The following CARMIL1 variants were observed in gnomAD, a reference collection of about 807,000 sequenced individuals.
CARMIL1 encodes capping protein regulator and myosin 1 linker 1, also known as F-actin-uncapping protein LRRC16A.
In CARMIL1, 90 loss-of-function variants were observed where a neutral mutation model predicts 177.1. The ratio of observed to expected loss-of-function variants is 0.51; its 90% confidence interval spans 0.43 to 0.61. CARMIL1 has a LOEUF of 0.61. Among genes scored for constraint, CARMIL1 ranks in the 20% least tolerant of loss-of-function variants. CARMIL1 has a pLI of 0.00. For synonymous variants in CARMIL1, 577 were observed against 606.2 expected (o/e 0.95, Z 0.71); for missense variants, 1,380 against 1,667.0 (o/e 0.83, Z 3.00).
At chr6:25,339,083 A>G (rs1786616672) in intron 2 of CARMIL1, among the ~76,000 whole-genome samples, 1 of 141,170 alleles carries the variant, frequency 7.1e-6, no homozygotes, top group Admixed American at 6.8e-5. Context: ...TATAAAATAA[A>G]TTAAAATGAC....
chr6:25,496,006 A>T, intron 16 of CARMIL1, among the ~76,000 whole-genome samples: 1 of 152,066 alleles, frequency 6.6e-6, no homozygotes, highest in Non-Finnish European at 1.5e-5. Flanking sequence ...TCAGCATTTA[A>T]TTTTTCCCTT....
At chr6:25,322,284 G>A (rs567755728) in intron 2 of CARMIL1, among the ~76,000 whole-genome samples, 1 of 151,898 alleles carries the variant, frequency 6.6e-6, no homozygotes, top group Non-Finnish European at 1.5e-5. Context: ...CACCATACCC[G>A]GCTAATTTTT....
At chr6:25,560,389 A>G (rs1203775318) in intron 29 of CARMIL1, among the ~76,000 whole-genome samples, 1 of 151,906 alleles carries the variant, frequency 6.6e-6, no homozygotes, top group African/African-American at 2.4e-5. Flanking sequence ...GCCTGTGTCT[A>G]CTCTCTTAGC....
chr6:25,544,185 G>A (rs79448452), intron 26 of CARMIL1, among the ~76,000 whole-genome samples: 1,931 of 152,226 alleles, frequency 0.013, 29 homozygotes, highest in African/African-American at 0.037. Context: ...GAGACTAGGG[G>A]AAGGCAACAT....
At chr6:25,556,994 T>G in intron 29 of CARMIL1, 144 bp downstream of exon 29, 3 of 842,030 alleles carry the variant, frequency 3.6e-6, no homozygotes, top group Non-Finnish European at 5.5e-6. Flanking sequence ...AGAAAAGTCC[T>G]AAAGAGGCCG....
intron 16 of CARMIL1, 28 bp downstream of exon 16, chr6:25,495,243 G>A: frequency 6.8e-7 from 1 of 1,461,270 alleles, no homozygotes. Context: ...TTTCTCCAGA[G>A]CTTTTAAAGT....
chr6:25,565,477 C>T (rs1355029355), intron 29 of CARMIL1, among the ~76,000 whole-genome samples: 1 of 152,228 alleles, frequency 6.6e-6, no homozygotes, highest in Non-Finnish European at 1.5e-5. Flanking sequence ...CACCAGACTG[C>T]CTTCCCTGAA....
At position 25,450,331 on chromosome 6, in the gene CARMIL1, T is replaced by C; in HGVS notation, c.470-8T>C. On this transcript the variant is annotated splice_region_variant and splice_polypyrimidine_tract_variant and intron_variant, in intron 6 of 36. Coordinates refer to ENST00000329474, the MANE Select transcript of CARMIL1 (RefSeq NM_017640.6). ...AAGACCTGTCAGTGTTTTTGTTGTA[T>C]GTTTCAGGTGGATTTTCTCAGATGT... The C allele has an allele frequency of 6.2e-7, 1 of 1,609,454 alleles. No homozygotes were observed.
At position 25,554,063 on chromosome 6, in the gene CARMIL1, C is replaced by T; in HGVS notation, c.2559C>T (p.Ile853=). Reference sequence around the variant, plus strand: ...TGTCTGATAGAATTGTGGATGAAATCCTGGATGCACTCTCACATTGCCATC... The same window carrying T: ...TGTCTGATAGAATTGTGGATGAAATTCTGGATGCACTCTCACATTGCCATC... ...SFLSDRIVDE[I]LDALSHCHHK... The change falls in exon 28 of 37, where the codon ATC becomes ATT. Residue 853 remains isoleucine (I), a synonymous_variant. Coordinates refer to ENST00000329474, the MANE Select transcript of CARMIL1 (RefSeq NM_017640.6). This position sits in a 1 kb window ranked among gnomAD's most constrained non-coding sequence, Gnocchi z 4.6. 3 of 1,600,140 alleles carry T rather than the reference C, an allele frequency of 1.9e-6. No individual in the cohort carries two copies. Among genetic ancestry groups the T allele is most frequent in the Non-Finnish European group, 2.6e-6 (3 of 1,173,052 alleles).
At chr6:25,503,839 G>C (rs1289212315) in intron 17 of CARMIL1, among the ~76,000 whole-genome samples, 5 of 152,122 alleles carry the variant, frequency 3.3e-5, no homozygotes, top group African/African-American at 4.8e-5. Context: ...AGGATGAGGA[G>C]CTGGCAGACC....
intron 20 of CARMIL1, among the ~76,000 whole-genome samples, chr6:25,513,739 G>A (rs1805682239): frequency 6.6e-6 from 1 of 152,080 alleles, no homozygotes; most frequent in Admixed American, 6.6e-5. Context: ...AGACCACCCA[G>A]GCACACCTTG....
intron 36 of CARMIL1, among the ~76,000 whole-genome samples, chr6:25,614,367 C>A (rs1569483): frequency 1.3e-5 from 2 of 151,972 alleles, no homozygotes; most frequent in Admixed American, 1.3e-4. Flanking sequence ...TAAGTTGACC[C>A]TTTACTTTTA....
chr6:25,338,269 AT>A (rs1487119715), intron 2 of CARMIL1, among the ~76,000 whole-genome samples: 5 of 147,120 alleles, frequency 3.4e-5, no homozygotes, highest in Non-Finnish European at 6.0e-5. Context: ...AAAAAAAAAA[AT>A]AAAATAAAAG....
intron 8 of CARMIL1, among the ~76,000 whole-genome samples, chr6:25,464,787 A>T (rs1381481215): frequency 6.6e-6 from 1 of 152,222 alleles, no homozygotes; most frequent in Non-Finnish European, 1.5e-5. Context: ...GGAGGTGAGG[A>T]TGTGTAATAG....
chr6:25,604,558 G>C (rs1044175074), intron 33 of CARMIL1, among the ~76,000 whole-genome samples: 3 of 152,152 alleles, frequency 2.0e-5, no homozygotes, highest in East Asian at 1.9e-4. Context: ...CCTCTCACCT[G>C]TGAGGAGCCT....
chr6:25,551,041 T>G lies in CARMIL1; in HGVS notation c.2460T>G (p.Asn820Lys). The G allele has an allele frequency of 6.2e-7, 1 of 1,613,500 alleles. No homozygotes were observed. Among genetic ancestry groups the G allele is most frequent in the Admixed American group, 1.7e-5 (1 of 59,996 alleles). The change falls in exon 27 of 37, where the codon AAT (asparagine) becomes AAG (lysine). Residue 820 changes from asparagine to lysine, a missense_variant. By Grantham distance (94) the Asn-to-Lys change is moderately conservative. Transcript: ENST00000329474. ...CTATTCCACGTACCTTTGTTAAAAA[T>G]GTCCTGTTGGAGCAGTCTGGAATTG... The part of the protein sequence containing the change: ...KISIPRTFVK[N>K]VLLEQSGIDI...
intron 2 of CARMIL1, among the ~76,000 whole-genome samples, chr6:25,364,627 G>A (rs1412333526): frequency 2.6e-5 from 4 of 151,592 alleles, no homozygotes; most frequent in Non-Finnish European, 4.4e-5. Context: ...GCAGTGGCGC[G>A]ATCTTGGCTC....
intron 2 of CARMIL1, among the ~76,000 whole-genome samples, 164 bp from the exon 3 acceptor site, chr6:25,419,950 C>G (rs574846464): frequency 1.3e-5 from 2 of 152,268 alleles, no homozygotes; most frequent in East Asian, 3.9e-4. Flanking sequence ...AAAACTAATT[C>G]TGAGACCAAG....
At chr6:25,510,354 G>A (rs1805349611) in intron 18 of CARMIL1, among the ~76,000 whole-genome samples, 153 bp from the exon 19 acceptor site, 1 of 152,130 alleles carries the variant, frequency 6.6e-6, no homozygotes. Flanking sequence ...AGAGCAAAGA[G>A]TGCCTTTGAA....
Sources: gnomAD v4.1 joint callset for allele counts (sites outside exome capture counted in the v4.1 genomes callset) on GRCh38, gnomAD v4.1.1 for gene constraint, Gnocchi (gnomAD v3.1) non-coding constraint, MANE v1.5 for transcripts, NCBI Gene and HGNC (gene_info 2026-07-23, HGNC 2026-07-21) for gene names.